Variants in PTPRD observed in about 807,000 individuals in gnomAD.
PTPRD encodes protein tyrosine phosphatase receptor type D.
Under a neutral mutation model 214.5 loss-of-function variants are expected in PTPRD, and 34 were observed. The ratio of observed to expected loss-of-function variants is 0.16; its 90% confidence interval spans 0.12 to 0.21. The LOEUF is 0.21. Ranked by LOEUF, PTPRD falls within the 10% of genes least tolerant of loss-of-function variation. The pLI is 1.00. For synonymous variants in PTPRD, 1,128 were observed against 845.7 expected (o/e 1.33, Z -5.79); for missense variants, 2,545 against 2,398.7 (o/e 1.06, Z -1.27).
At chr9:9,342,376 G>A (rs1200580891) in intron 9 of PTPRD, among the ~76,000 whole-genome samples, 1 of 151,998 alleles carries the variant, frequency 6.6e-6, no homozygotes, top group Non-Finnish European at 1.5e-5. Context: ...ACTATTTTTT[G>A]TTTAAGATGA....
chr9:8,517,936 C>T lies in PTPRD; in HGVS notation c.1455G>A (p.Gln485=), dbSNP rs764067133. ...QITTIGNLVP[Q]KTYSVKVLAF... is the part of the protein sequence containing the mutation. ...CCAGGACTTTGACAGAATATGTTTT[C>T]TGGGGCACTAAGTTGCCAATAGTAG... Residue 485 remains glutamine, a synonymous_variant, in exon 21 of 46, where the codon CAG becomes CAA. Coordinates refer to ENST00000381196, the MANE Select transcript of PTPRD (RefSeq NM_002839.4). 1 of 1,614,152 alleles carries T rather than the reference C, an allele frequency of 6.2e-7. No individual in the cohort carries two copies. Among genetic ancestry groups the T allele is most frequent in the South Asian group, 1.1e-5 (1 of 91,078 alleles).
At chr9:10,167,634 A>G (rs2099167446) in intron 3 of PTPRD, among the ~76,000 whole-genome samples, 1 of 152,216 alleles carries the variant, frequency 6.6e-6, no homozygotes, top group Non-Finnish European at 1.5e-5. Flanking sequence ...AGGATGATTT[A>G]TGAAGTTTTC....
chr9:10,572,153 A>G (rs2067658831), intron 2 of PTPRD, among the ~76,000 whole-genome samples: 1 of 152,202 alleles, frequency 6.6e-6, no homozygotes, highest in Admixed American at 6.5e-5. Flanking sequence ...TGTATGACTA[A>G]GAACTCATGT....
intron 14 of PTPRD, among the ~76,000 whole-genome samples, chr9:8,627,721 G>A (rs575006606): frequency 4.6e-4 from 70 of 151,798 alleles, no homozygotes; most frequent in African/African-American, 1.6e-3. Flanking sequence ...CTCCTCACAG[G>A]TACACTTTCT....
chr9:10,040,399 C>T (rs1357780831), intron 3 of PTPRD, among the ~76,000 whole-genome samples: 3 of 152,048 alleles, frequency 2.0e-5, no homozygotes, highest in Non-Finnish European at 4.4e-5. Context: ...AGATGTGCTT[C>T]TGCCCAAACT....
At chr9:10,171,390 C>G (rs1373751158) in intron 3 of PTPRD, among the ~76,000 whole-genome samples, 2 of 152,072 alleles carry the variant, frequency 1.3e-5, no homozygotes, top group Non-Finnish European at 2.9e-5. Context: ...TCGCTTGGCT[C>G]TCATTCTCTC....
At chr9:8,628,453 T>C (rs1595618895) in intron 14 of PTPRD, among the ~76,000 whole-genome samples, 1 of 151,782 alleles carries the variant, frequency 6.6e-6, no homozygotes, top group African/African-American at 2.4e-5. Context: ...TCACTGTGTG[T>C]TTTACTATCT....
chr9:10,046,667 A>G (rs2097403039), intron 3 of PTPRD, among the ~76,000 whole-genome samples: 1 of 151,972 alleles, frequency 6.6e-6, no homozygotes, highest in South Asian at 2.1e-4. Context: ...AATACATTCA[A>G]TTAAACATGG....
At chr9:10,135,634 C>T (rs557874286) in intron 3 of PTPRD, among the ~76,000 whole-genome samples, 5 of 151,940 alleles carry the variant, frequency 3.3e-5, no homozygotes, top group South Asian at 2.1e-4. Context: ...AGACTAAGTT[C>T]CACAAGTGAA....
intron 8 of PTPRD, among the ~76,000 whole-genome samples, chr9:9,482,852 T>G (rs1036639692): frequency 1.3e-5 from 2 of 152,344 alleles, no homozygotes. Flanking sequence ...ATCACAATTA[T>G]GCAAATAAGT....
chr9:9,127,116 G>A (rs1032825443), intron 10 of PTPRD, among the ~76,000 whole-genome samples: 1 of 151,386 alleles, frequency 6.6e-6, no homozygotes, highest in Non-Finnish European at 1.5e-5. Flanking sequence ...ACACACACAG[G>A]TACCCACACA....
chr9:8,538,169 C>T (rs550866509), intron 14 of PTPRD, among the ~76,000 whole-genome samples: 34 of 152,090 alleles, frequency 2.2e-4, no homozygotes, highest in African/African-American at 7.9e-4. Context: ...TTATATTTAT[C>T]AACAAGCAGG....
At chr9:10,254,613 C>T (rs2093082216) in intron 3 of PTPRD, among the ~76,000 whole-genome samples, 1 of 152,100 alleles carries the variant, frequency 6.6e-6, no homozygotes, top group African/African-American at 2.4e-5. Context: ...TTTTAATTAT[C>T]TTTGCAGTCC....
chr9:9,119,648 T>A (rs182063129), intron 10 of PTPRD, among the ~76,000 whole-genome samples: 243 of 152,042 alleles, frequency 1.6e-3, no homozygotes, highest in African/African-American at 5.6e-3. Context: ...CTCAGCCTCC[T>A]GAGTAGCTGG....
chr9:9,908,678 T>C (rs1172274678), intron 5 of PTPRD, among the ~76,000 whole-genome samples: 2 of 152,036 alleles, frequency 1.3e-5, no homozygotes, highest in South Asian at 2.1e-4. Context: ...AATATGTGAG[T>C]TTTCTGTTCT....
At chr9:8,487,651 A>G (rs1200288121) in intron 27 of PTPRD, among the ~76,000 whole-genome samples, 1 of 152,122 alleles carries the variant, frequency 6.6e-6, no homozygotes, top group Non-Finnish European at 1.5e-5. Context: ...TCTCTACAAA[A>G]AACACAAAAA....
chr9:10,287,556 C>T (rs79122185), intron 3 of PTPRD, among the ~76,000 whole-genome samples: 3 of 152,020 alleles, frequency 2.0e-5, no homozygotes, highest in Non-Finnish European at 4.4e-5. Context: ...CCAGGCCTCT[C>T]CCCTGGGAGA....
chr9:9,813,686 A>G (rs912080992), intron 5 of PTPRD, among the ~76,000 whole-genome samples: 35 of 152,262 alleles, frequency 2.3e-4, no homozygotes, highest in African/African-American at 7.9e-4. Flanking sequence ...ATTCAACCAA[A>G]TATTTAAGTG....
chr9:9,980,265 T>A (rs1193934594), intron 4 of PTPRD, among the ~76,000 whole-genome samples: 1 of 152,026 alleles, frequency 6.6e-6, no homozygotes, highest in Non-Finnish European at 1.5e-5. Flanking sequence ...ATATAAATCA[T>A]ATATATACTT....
Sources: gnomAD v4.1 joint callset for allele counts (sites outside exome capture counted in the v4.1 genomes callset) on GRCh38, gnomAD v4.1.1 for gene constraint, MANE v1.5 for transcripts, NCBI Gene and HGNC (gene_info 2026-07-23, HGNC 2026-07-21) for gene names.